The following SOX5 variants were observed in gnomAD, a reference collection of about 807,000 sequenced individuals.
The protein encoded by SOX5 is SRY-box transcription factor 5.
Under a neutral mutation model 92.0 loss-of-function variants are expected in SOX5, and 9 were observed. The observed-to-expected ratio is 0.10, with a 90% CI of 0.06 to 0.17. SOX5 has a LOEUF of 0.17. SOX5 is among the 10% of genes least tolerant of loss of function. The pLI, the probability that SOX5 is intolerant of heterozygous loss-of-function variation, is 1.00. For missense variants in SOX5, 642 were observed against 944.5 expected (o/e 0.68, Z 4.20); for synonymous variants, 344 against 336.3 (o/e 1.02, Z -0.25).
intron 1 of SOX5, among the ~76,000 whole-genome samples, chr12:23,922,493 G>A (rs1007091719): frequency 2.6e-5 from 4 of 152,102 alleles, no homozygotes; most frequent in Non-Finnish European, 1.5e-5. Context: ...AAAAGAACAG[G>A]AAATCCACCT....
At chr12:24,264,659 G>C (rs1393255429) in intron 3 of SOX5, among the ~76,000 whole-genome samples, 2 of 152,156 alleles carry the variant, frequency 1.3e-5, no homozygotes, top group Non-Finnish European at 2.9e-5. Flanking sequence ...GGTTACAAAA[G>C]TGTGGGGAAA....
chr12:23,660,279 G>T (rs779716515), intron 7 of SOX5, among the ~76,000 whole-genome samples: 1 of 152,086 alleles, frequency 6.6e-6, no homozygotes, highest in African/African-American at 2.4e-5. Context: ...AACATAATAA[G>T]ACAGGCACAA....
At chr12:23,692,015 A>G (rs1593328083) in intron 6 of SOX5, among the ~76,000 whole-genome samples, 1 of 152,204 alleles carries the variant, frequency 6.6e-6, no homozygotes, top group East Asian at 1.9e-4. Flanking sequence ...AATAGAAAGT[A>G]CTATTTCAGC....
At chr12:23,744,932 T>A (rs913684473) in intron 4 of SOX5, among the ~76,000 whole-genome samples, 4 of 151,456 alleles carry the variant, frequency 2.6e-5, no homozygotes, top group Non-Finnish European at 5.9e-5. Context: ...GTCTTCTCCA[T>A]ATGTGTTCAC....
At chr12:24,543,989 A>T (rs1001639691) in intron 1 of SOX5, among the ~76,000 whole-genome samples, 4 of 152,184 alleles carry the variant, frequency 2.6e-5, no homozygotes, top group African/African-American at 4.8e-5. Flanking sequence ...AGACATCTAT[A>T]TACTGGTTCC....
intron 1 of SOX5, among the ~76,000 whole-genome samples, chr12:24,415,643 A>G (rs975805017): frequency 6.6e-6 from 1 of 152,254 alleles, no homozygotes; most frequent in Non-Finnish European, 1.5e-5. Flanking sequence ...AGTAACAGCC[A>G]ACATTCAAGC....
At chr12:24,072,917 A>G (rs1437192513) in intron 4 of SOX5, among the ~76,000 whole-genome samples, 1 of 152,258 alleles carries the variant, frequency 6.6e-6, no homozygotes, top group Non-Finnish European at 1.5e-5. Context: ...AAGAAAACAT[A>G]GATAAGTCAC....
intron 6 of SOX5, among the ~76,000 whole-genome samples, chr12:23,689,126 G>A (rs1290169966): frequency 1.3e-5 from 2 of 152,052 alleles, no homozygotes; most frequent in East Asian, 3.9e-4. Flanking sequence ...ATTTTTTTAG[G>A]CCATTTAGAG....
At chr12:23,682,183 A>G (rs973468936) in intron 6 of SOX5, among the ~76,000 whole-genome samples, 3 of 151,872 alleles carry the variant, frequency 2.0e-5, no homozygotes, top group Non-Finnish European at 4.4e-5. Flanking sequence ...ACACTAAGCC[A>G]TAAAGCAAGA....
intron 3 of SOX5, among the ~76,000 whole-genome samples, chr12:24,251,572 G>GTTTTTTTTTTTTTTTTTTTTT (rs68085452): frequency 7.1e-6 from 1 of 141,486 alleles, no homozygotes; most frequent in Non-Finnish European, 1.5e-5. Flanking sequence ...AGGGTTTTTT[G>GTTTTTTTTTTTTTTTTTTTTT]TTTTTTTTTT....
intron 1 of SOX5, among the ~76,000 whole-genome samples, chr12:24,470,724 G>C (rs1339052379): frequency 6.6e-6 from 1 of 152,160 alleles, no homozygotes; most frequent in Non-Finnish European, 1.5e-5. Context: ...AGAATATTCT[G>C]TGTTCAAATC....
Position 24,464,254 on chromosome 12 carries a change from AGT to A in SOX5, c.-250-95617_-250-95616del, listed in dbSNP as rs1453040638. 2.0e-5 allele frequency among the ~76,000 whole-genome samples: 3 copies of A among 152,096 alleles called. No individual in the cohort carries two copies. The East Asian group carries it at 5.8e-4, about 29-fold the overall frequency. ...TACACACACACAAACACTGATATTC[AGT>A]GTTTTGAAATGTGAAGCTTGTGTTT... On this transcript the variant is annotated intron_variant, in intron 1 of 4. Transcript: ENST00000446891.
chr12:24,392,933 C>T (rs924764035), intron 1 of SOX5, among the ~76,000 whole-genome samples: 2 of 152,072 alleles, frequency 1.3e-5, no homozygotes, highest in African/African-American at 2.4e-5. Context: ...GGCTTTAGGG[C>T]CCCCATGTGA....
chr12:23,776,284 C>T (rs1409812840), intron 3 of SOX5, among the ~76,000 whole-genome samples: 1 of 152,084 alleles, frequency 6.6e-6, no homozygotes, highest in Non-Finnish European at 1.5e-5. Context: ...ATTTATTTTC[C>T]TCACTGTCTT....
At chr12:24,555,502 T>C (rs1176527769) in intron 1 of SOX5, among the ~76,000 whole-genome samples, 3 of 152,210 alleles carry the variant, frequency 2.0e-5, no homozygotes, top group African/African-American at 4.8e-5. Context: ...CCTGATAAAA[T>C]TCATCTATAG....
At position 23,759,800 on chromosome 12, in the gene SOX5, G is replaced by C. The variant is rs145276595; in HGVS notation, c.482-4076C>G. Among the ~76,000 whole-genome samples the C allele has an allele frequency of 1.4e-4, 22 of 152,172 alleles. 1 individual carries two copies. The East Asian group carries it at 4.3e-3, about 29-fold the overall frequency. On this transcript the variant is annotated intron_variant, in intron 3 of 14. Coordinates refer to ENST00000451604, the MANE Select transcript of SOX5 (RefSeq NM_006940.6). ...CTTCACTGCTTATGAAGTGAATACA[G>C]TAATTATCTATTAAATATTTAATTT...
intron 4 of SOX5, among the ~76,000 whole-genome samples, chr12:24,114,631 A>G (rs964308720): frequency 1.3e-5 from 2 of 149,304 alleles, no homozygotes; most frequent in Non-Finnish European, 1.5e-5. Flanking sequence ...AAAATATTGA[A>G]TTTATAAAAT....
chr12:23,694,776 C>T (rs904323415), intron 6 of SOX5, among the ~76,000 whole-genome samples: 7 of 151,966 alleles, frequency 4.6e-5, no homozygotes, highest in African/African-American at 1.7e-4. Context: ...GGAAAAATAT[C>T]GTATATGATA....
intron 4 of SOX5, among the ~76,000 whole-genome samples, chr12:24,213,119 A>AT (rs201931173): frequency 2.6e-5 from 4 of 152,086 alleles, no homozygotes; most frequent in Non-Finnish European, 5.9e-5. Flanking sequence ...CTTATGTAAG[A>AT]TTTTGTTTCT....
Sources: allele counts gnomAD v4.1 joint callset (sites outside exome capture counted in the v4.1 genomes callset), GRCh38; gene constraint gnomAD v4.1.1; transcripts MANE v1.5; gene names NCBI Gene and HGNC (gene_info 2026-07-23, HGNC 2026-07-21).